PRELID2: variants seen among roughly 807,000 people sequenced by gnomAD.
PRELID2 encodes the protein PRELI domain containing 2, also known as PRELI domain-containing protein 2.
PRELID2 carries 25 observed loss-of-function variants against 28.4 expected under a neutral mutation model. That is an observed-to-expected ratio of 0.88 (90% CI 0.64 to 1.23). The LOEUF (loss-of-function observed/expected upper bound fraction) is 1.23, where lower values mean the gene tolerates loss of function less well. Among genes scored for constraint, PRELID2 ranks in the 50% most tolerant of loss-of-function variants. The pLI is 0.00. For missense variants in PRELID2, 201 were observed against 214.4 expected, an observed-to-expected ratio of 0.94 and a Z score of 0.39; for synonymous variants, 76 against 71.6, an observed-to-expected ratio of 1.06 and a Z score of -0.31.
chr5:145,711,284 C>T (rs187158882), intron 1 of PRELID2, among the ~76,000 whole-genome samples: 1 of 152,212 alleles, frequency 6.6e-6, no homozygotes, highest in East Asian at 1.9e-4. Flanking sequence ...CCTACAAAAT[C>T]GCAGTTTTGT....
the PRELID2 span, among the ~76,000 whole-genome samples, chr5:145,368,773 G>T: frequency 0.015 from 2,315 of 151,382 alleles, 53 homozygotes; most frequent in African/African-American, 0.053. Flanking sequence ...AGGTTTTAAT[G>T]CAGTCTCTTT....
intron 1 of PRELID2, among the ~76,000 whole-genome samples, chr5:145,742,126 A>ATTT (rs1561569101): frequency 7.5e-4 from 4 of 5,342 alleles, no homozygotes; most frequent in East Asian, 0.026. Context: ...AAAATTTATT[A>ATTT]ATTATAAATA....
At chr5:145,491,456 T>C (rs565745764) in intron 1 of PRELID2, among the ~76,000 whole-genome samples, 1 of 152,322 alleles carries the variant, frequency 6.6e-6, no homozygotes, top group South Asian at 2.1e-4. Context: ...GTATTTACTG[T>C]GTACAAATAT....
chr5:145,536,388 G>A (rs1410243817), intron 1 of PRELID2, among the ~76,000 whole-genome samples: 1 of 151,900 alleles, frequency 6.6e-6, no homozygotes, highest in South Asian at 2.1e-4. Flanking sequence ...AATTAAGTAT[G>A]TGATTTTGCT....
intron 1 of PRELID2, among the ~76,000 whole-genome samples, chr5:145,694,443 T>G (rs1408079506): frequency 6.6e-6 from 1 of 152,180 alleles, no homozygotes; most frequent in Non-Finnish European, 1.5e-5. Context: ...TCTTATGTGC[T>G]TTTGCTTTTA....
chr5:145,401,699 G>A, the PRELID2 span, among the ~76,000 whole-genome samples: 1 of 152,256 alleles, frequency 6.6e-6, no homozygotes, highest in South Asian at 2.1e-4. Flanking sequence ...TGATTGCTCA[G>A]ACTATGGACT....
intron 1 of PRELID2, among the ~76,000 whole-genome samples, chr5:145,500,687 C>G (rs540520262): frequency 6.6e-6 from 1 of 152,124 alleles, no homozygotes; most frequent in Admixed American, 6.6e-5. Flanking sequence ...TGGAAAATTA[C>G]CAGTGTAGGA....
chr5:145,307,806 T>G, the PRELID2 span, among the ~76,000 whole-genome samples: 1 of 152,100 alleles, frequency 6.6e-6, no homozygotes, highest in Non-Finnish European at 1.5e-5. Flanking sequence ...AAAAAAAAAT[T>G]TGCTCAGAGG....
At chr5:145,469,840 T>C (rs1264167611), downstream of PRELID2, among the ~76,000 whole-genome samples, 1 of 152,130 alleles carries the variant, frequency 6.6e-6, no homozygotes, top group Non-Finnish European at 1.5e-5. Flanking sequence ...AGTTCTGACA[T>C]CTTTGGTATT....
chr5:145,653,144 G>A (rs1271170427), intron 1 of PRELID2, among the ~76,000 whole-genome samples: 4 of 151,816 alleles, frequency 2.6e-5, no homozygotes, highest in African/African-American at 9.7e-5. Flanking sequence ...AAGATCAAAA[G>A]GACAAAGAAG....
chr5:145,408,125 C>T, the PRELID2 span, among the ~76,000 whole-genome samples: 2 of 151,924 alleles, frequency 1.3e-5, no homozygotes, highest in South Asian at 4.1e-4. Flanking sequence ...GGAATTACCC[C>T]ATGGCAGAAA....
intron 1 of PRELID2, among the ~76,000 whole-genome samples, chr5:145,593,915 G>A (rs1316506749): frequency 2.6e-5 from 4 of 152,092 alleles, no homozygotes; most frequent in African/African-American, 9.7e-5. Flanking sequence ...TGGGAACCTT[G>A]AACACTAATG....
chr5:145,717,873 G>C (rs1346538854), intron 1 of PRELID2, among the ~76,000 whole-genome samples: 1 of 151,772 alleles, frequency 6.6e-6, no homozygotes, highest in Non-Finnish European at 1.5e-5. Context: ...CTCCTTCTTA[G>C]TTCATTTGTC....
chr5:145,337,989 C>G, the PRELID2 span: 25 of 151,884 alleles, frequency 1.6e-4, no homozygotes, highest in African/African-American at 6.0e-4. Context: ...TTCAATAAAG[C>G]TGGAGGGAAA....
chr5:145,813,185 CT>C (rs1219808796), intron 4 of PRELID2, among the ~76,000 whole-genome samples: 1 of 152,154 alleles, frequency 6.6e-6, no homozygotes, highest in Admixed American at 6.5e-5. Context: ...GCCCTGACAG[CT>C]TTTTTATTCC....
At chr5:145,596,020 G>A (rs975359992) in intron 1 of PRELID2, among the ~76,000 whole-genome samples, 1 of 147,976 alleles carries the variant, frequency 6.8e-6, no homozygotes, top group South Asian at 2.1e-4. Flanking sequence ...GTGAGCTCAG[G>A]AAGTAAAGGC....
chr5:145,273,599 G>A, the PRELID2 span, among the ~76,000 whole-genome samples: 1 of 152,118 alleles, frequency 6.6e-6, no homozygotes, highest in East Asian at 1.9e-4. Context: ...GCATCCTCTG[G>A]ATACATGTGT....
At chr5:145,308,976 G>C in the PRELID2 span, among the ~76,000 whole-genome samples, 2 of 152,136 alleles carry the variant, frequency 1.3e-5, no homozygotes, top group Non-Finnish European at 2.9e-5. Flanking sequence ...CAGAATTCAA[G>C]AATGTATTGG....
chr5:145,733,149 C>T (rs1045277943), intron 1 of PRELID2, among the ~76,000 whole-genome samples: 7 of 151,796 alleles, frequency 4.6e-5, no homozygotes, highest in African/African-American at 1.7e-4. Context: ...CAGCTACTCG[C>T]TACTCGAGAG....
Sources: gnomAD v4.1 joint callset for allele counts (sites outside exome capture counted in the v4.1 genomes callset) on GRCh38, gnomAD v4.1.1 for gene constraint, MANE v1.5 for transcripts, NCBI Gene and HGNC (gene_info 2026-07-23, HGNC 2026-07-21) for gene names.